Variants in MARCHF1 observed in about 807,000 individuals in gnomAD.
MARCHF1 encodes the protein membrane associated ring-CH-type finger 1.
A neutral mutation model predicts 54.2 loss-of-function variants in MARCHF1; 40 were observed. The ratio of observed to expected loss-of-function variants is 0.74; its 90% CI spans 0.57 to 0.96. The LOEUF is 0.96. Among genes scored for constraint, MARCHF1 ranks in the 40% least tolerant of loss-of-function variants. The pLI is 0.00. For missense variants in MARCHF1, 586 were observed against 656.5 expected (o/e 0.89, Z 1.17); for synonymous variants, 236 against 236.3 (o/e 1.00, Z 0.01).
rs563835432 is a variant in MARCHF1, at chr4:164,200,886, A to T, written c.-322-89224T>A. ...CTGCGAGGGTGATGACTGAGCTAAG[A>T]TCTAGTAAGGATCTGGAGTGGAGAG... On this transcript the variant is annotated intron_variant, in intron 1 of 9. Coordinates refer to ENST00000514618, the MANE Select transcript of MARCHF1 (RefSeq NM_001394959.1). Among the ~76,000 whole-genome samples, 4 of 152,294 alleles carry T rather than the reference A, an allele frequency of 2.6e-5. No homozygotes were observed. In the East Asian group the frequency reaches 7.8e-4, roughly 30 times the overall value.
At chr4:164,006,476 T>C (rs918635360) in intron 2 of MARCHF1, among the ~76,000 whole-genome samples, 5 of 152,080 alleles carry the variant, frequency 3.3e-5, no homozygotes, top group East Asian at 1.9e-4. Flanking sequence ...CTACAAGATA[T>C]AGAAAATTAC....
intron 1 of MARCHF1, among the ~76,000 whole-genome samples, chr4:164,347,942 T>C (rs1730156349): frequency 6.6e-6 from 1 of 152,194 alleles, no homozygotes; most frequent in Admixed American, 6.5e-5. Context: ...AAGAAGTGTA[T>C]CAGTACTTAG....
intron 4 of MARCHF1, among the ~76,000 whole-genome samples, chr4:163,845,874 T>A (rs574555804): frequency 1.5e-4 from 23 of 152,330 alleles, no homozygotes; most frequent in Non-Finnish European, 3.1e-4. Flanking sequence ...CTAATGTAAT[T>A]TTTTCCTCAT....
chr4:164,296,093 G>A (rs1441314490), intron 1 of MARCHF1, among the ~76,000 whole-genome samples: 1 of 151,970 alleles, frequency 6.6e-6, no homozygotes, highest in Non-Finnish European at 1.5e-5. Context: ...ATTGTCTCAA[G>A]AATAATTTTG....
intron 9 of MARCHF1, chr4:163,529,781 T>A (rs1053087788): frequency 1.3e-5 from 2 of 152,116 alleles, no homozygotes; most frequent in East Asian, 3.9e-4. Context: ...TTCACAGGCA[T>A]TTCAGTGACT....
chr4:164,218,499 A>G (rs981606080), intron 1 of MARCHF1, among the ~76,000 whole-genome samples: 3 of 152,058 alleles, frequency 2.0e-5, no homozygotes, highest in Non-Finnish European at 4.4e-5. Context: ...TCACATATAC[A>G]CCATAGAATA....
At chr4:163,855,302 C>G (rs1016033852) in intron 3 of MARCHF1, among the ~76,000 whole-genome samples, 1 of 152,074 alleles carries the variant, frequency 6.6e-6, no homozygotes, top group African/African-American at 2.4e-5. Context: ...GTGACTCATT[C>G]AATTGAGGTA....
chr4:163,679,037 C>T (rs1211328071), intron 5 of MARCHF1, among the ~76,000 whole-genome samples: 2 of 152,160 alleles, frequency 1.3e-5, no homozygotes, highest in Admixed American at 6.5e-5. Flanking sequence ...GGGATTTGGG[C>T]AAGAGGGATG....
chr4:164,316,777 G>T (rs925622925), intron 1 of MARCHF1, among the ~76,000 whole-genome samples: 1 of 152,154 alleles, frequency 6.6e-6, no homozygotes, highest in Non-Finnish European at 1.5e-5. Context: ...GAACATGGGG[G>T]GTGGATTCCC....
At chr4:164,082,005 C>G (rs1417069746) in intron 2 of MARCHF1, among the ~76,000 whole-genome samples, 1 of 152,174 alleles carries the variant, frequency 6.6e-6, no homozygotes, top group Admixed American at 6.5e-5. Flanking sequence ...TAGGCCTGTT[C>G]TGTGCGTGTA....
At chr4:163,844,896 C>G (rs1420922426) in intron 4 of MARCHF1, among the ~76,000 whole-genome samples, 1 of 152,072 alleles carries the variant, frequency 6.6e-6, no homozygotes, top group Non-Finnish European at 1.5e-5. Flanking sequence ...AGTAATTGTG[C>G]CAGGTTAAGA....
At chr4:164,177,880 G>A (rs573189682) in intron 1 of MARCHF1, among the ~76,000 whole-genome samples, 1 of 152,110 alleles carries the variant, frequency 6.6e-6, no homozygotes, top group East Asian at 1.9e-4. Flanking sequence ...GGCTAAAAGT[G>A]TACTTCTGCA....
chr4:164,270,167 C>T (rs2111305100), intron 1 of MARCHF1, among the ~76,000 whole-genome samples: 1 of 152,282 alleles, frequency 6.6e-6, no homozygotes, highest in Admixed American at 6.5e-5. Context: ...TCACACTAGC[C>T]TCCTTGTTGC....
intron 1 of MARCHF1, among the ~76,000 whole-genome samples, chr4:164,278,640 T>A (rs1733945906): frequency 6.6e-6 from 1 of 152,180 alleles, no homozygotes. Context: ...CCTTAGTGTA[T>A]GTTTTTGAAA....
chr4:164,142,930 T>C (rs972113973), intron 1 of MARCHF1, among the ~76,000 whole-genome samples: 29 of 151,738 alleles, frequency 1.9e-4, no homozygotes, highest in East Asian at 5.8e-4. Context: ...TTGAAAAAAA[T>C]TTAGAAGAAT....
chr4:164,119,887 A>AT (rs1756027868), intron 1 of MARCHF1, among the ~76,000 whole-genome samples: 1 of 151,996 alleles, frequency 6.6e-6, no homozygotes, highest in Admixed American at 6.6e-5. Flanking sequence ...CAAGAATCAG[A>AT]TTTTTTCACA....
At chr4:164,286,727 T>C (rs1186755396) in intron 1 of MARCHF1, among the ~76,000 whole-genome samples, 1 of 149,236 alleles carries the variant, frequency 6.7e-6, no homozygotes, top group African/African-American at 2.4e-5. Flanking sequence ...TTTTATATTT[T>C]TATATAATAA....
chr4:164,378,023 C>T (rs566217439), intron 1 of MARCHF1, among the ~76,000 whole-genome samples: 1 of 152,256 alleles, frequency 6.6e-6, no homozygotes, highest in South Asian at 2.1e-4. Context: ...TCAACAATAA[C>T]TAGAAAAGCC....
At chr4:163,827,266 C>A (rs962464072) in intron 4 of MARCHF1, among the ~76,000 whole-genome samples, 1 of 151,886 alleles carries the variant, frequency 6.6e-6, no homozygotes, top group Non-Finnish European at 1.5e-5. Flanking sequence ...AGATATTTGA[C>A]CAACATATTG....
Sources: gnomAD v4.1 joint callset for allele counts (sites outside exome capture counted in the v4.1 genomes callset) on GRCh38, gnomAD v4.1.1 for gene constraint, MANE v1.5 for transcripts, NCBI Gene and HGNC (gene_info 2026-07-23, HGNC 2026-07-21) for gene names.